Variants in PRPF18 observed in about 807,000 individuals in gnomAD.
PRPF18 encodes pre-mRNA-splicing factor 18.
In PRPF18, 38 loss-of-function variants were observed where a neutral mutation model predicts 46.5. That is an observed-to-expected ratio of 0.82 (90% CI 0.63 to 1.07). The LOEUF (loss-of-function observed/expected upper bound fraction) is 1.07, where lower values mean the gene tolerates loss of function less well. PRPF18 is among the 50% of genes least tolerant of loss of function. The probability of loss-of-function intolerance (pLI) is 0.00; values close to 1 mark genes in which losing one functional copy is unlikely to be tolerated. For missense variants in PRPF18, 263 were observed against 410.0 expected, an observed-to-expected ratio of 0.64 and a Z score of 3.10; for synonymous variants, 152 against 146.7, an observed-to-expected ratio of 1.04 and a Z score of -0.26.
At chr10:13,627,922 T>C (rs541715162) in intron 9 of PRPF18, among the ~76,000 whole-genome samples, 1 of 152,336 alleles carries the variant, frequency 6.6e-6, no homozygotes, top group East Asian at 1.9e-4. Context: ...TTGTATTTCA[T>C]CAGGGTGTTC....
At chr10:13,615,838 GCTATTCGA>G (rs1170689496) in intron 8 of PRPF18, among the ~76,000 whole-genome samples, 2 of 152,126 alleles carry the variant, frequency 1.3e-5, no homozygotes, top group Non-Finnish European at 2.9e-5. Context: ...TCATCCTTCA[GCTATTCGA>G]CTGGAGGGCC....
Position 13,608,126 on chromosome 10 carries a change from A to G in PRPF18, c.364-1913A>G, listed in dbSNP as rs540468916. 3.3e-5 allele frequency among the ~76,000 whole-genome samples: 5 copies of G among 152,382 alleles called. No individual in the cohort carries two copies. The East Asian group carries it at 7.7e-4, about 24-fold the overall frequency. ...TTACCAAATCTGTTTTTGGTGATTA[A>G]CAAGCCACCCTGAAACTTGATAGCT... is the stretch of plus-strand genomic sequence containing the variant. On this transcript the variant is annotated intron_variant, in intron 4 of 9. Transcript: ENST00000378572.
At chr10:13,603,215 A>G (rs769967265) in intron 3 of PRPF18, among the ~76,000 whole-genome samples, 65 of 151,738 alleles carry the variant, frequency 4.3e-4, no homozygotes, top group Non-Finnish European at 2.1e-4. Flanking sequence ...GCGAGCGTCT[A>G]TTGAAATAGT....
chr10:13,595,147 C>G (rs969950199), intron 1 of PRPF18, among the ~76,000 whole-genome samples: 2 of 152,128 alleles, frequency 1.3e-5, no homozygotes, highest in African/African-American at 2.4e-5. Flanking sequence ...AATCCTCCCC[C>G]CATGTTGCTT....
chr10:13,601,430 A>C (rs1233169378), intron 3 of PRPF18, among the ~76,000 whole-genome samples: 1 of 152,224 alleles, frequency 6.6e-6, no homozygotes, highest in Non-Finnish European at 1.5e-5. Context: ...AAGAAATCAA[A>C]TCAATACAAA....
chr10:13,641,606 C>G, the PRPF18 span: 4 of 152,176 alleles, frequency 2.6e-5, no homozygotes, highest in African/African-American at 9.7e-5. Context: ...GAAAAACTAC[C>G]AAGGAGATTG....
intron 5 of PRPF18, 49 bp from the exon 6 acceptor site, chr10:13,611,566 A>T: frequency 6.9e-7 from 1 of 1,447,910 alleles, no homozygotes; most frequent in Non-Finnish European, 9.7e-7. Flanking sequence ...ATATATGTTT[A>T]GTTGTTGCTC....
the PRPF18 span, chr10:13,652,220 T>C: frequency 4.9e-3 from 2,738 of 555,462 alleles, 64 homozygotes; most frequent in African/African-American, 0.045. Context: ...TATCACATCA[T>C]AGCAAACAGT....
intron 9 of PRPF18, among the ~76,000 whole-genome samples, chr10:13,627,356 T>C (rs1211120008): frequency 6.6e-6 from 1 of 152,208 alleles, no homozygotes; most frequent in East Asian, 1.9e-4. Context: ...TAGAACAGTA[T>C]GTATAGTAGG....
At chr10:13,622,295 C>T (rs1740964732) in intron 9 of PRPF18, among the ~76,000 whole-genome samples, 1 of 152,168 alleles carries the variant, frequency 6.6e-6, no homozygotes, top group African/African-American at 2.4e-5. Context: ...CTTTTAATGT[C>T]ATAGAACACT....
At chr10:13,613,281 T>A (rs2080297701) in intron 6 of PRPF18, among the ~76,000 whole-genome samples, 2 of 152,172 alleles carry the variant, frequency 1.3e-5, no homozygotes, top group Non-Finnish European at 2.9e-5. Context: ...GGGTCTTGGC[T>A]TCTTTATTTC....
chr10:13,622,383 A>T (rs749932121), intron 9 of PRPF18, among the ~76,000 whole-genome samples: 1 of 152,216 alleles, frequency 6.6e-6, no homozygotes, highest in African/African-American at 2.4e-5. Context: ...AGCTTAGTTG[A>T]TGGTAAAGGG....
intron 1 of PRPF18, among the ~76,000 whole-genome samples, chr10:13,590,452 A>ATAT (rs1554806371): frequency 2.8e-4 from 40 of 140,508 alleles, no homozygotes; most frequent in Non-Finnish European, 5.2e-4. Context: ...AAAAAAAAAA[A>ATAT]ATATATATAT....
At position 13,630,270 on chromosome 10, in the gene PRPF18, G is replaced by A; in HGVS notation, c.959G>A (p.Arg320Lys). ...TQRKYIQGLK[R>K]LMTICQKHFP... ...TCCTTATTTTCTTAGGGATTGAAGA[G>A]GTTAATGACCATTTGCCAGAAACAC... The change falls in exon 10 of 10, where the codon AGG (arginine) becomes AAG (lysine). Residue 320 changes from arginine (R) to lysine (K), a missense_variant. By Grantham distance (26) the Arg-to-Lys change is conservative. Transcript: ENST00000378572. 1.2e-6 allele frequency: 2 copies of A among 1,609,800 alleles called. No individual in the cohort carries two copies.
Position 13,610,139 on chromosome 10 carries a change from A to G in PRPF18, c.464A>G (p.Asn155Ser). The G allele has an allele frequency of 6.2e-7, 1 of 1,614,140 alleles. No individual in the cohort carries two copies. The highest frequency in any genetic ancestry group is 8.5e-7 in the Non-Finnish European group (1 of 1,179,994). ...GAGCCTGGAGAGGAAGACACACAGA[A>G]TGATCTGAAAGTTCATGAGGAAAAC... ...GQEPGEEDTQ[N>S]DLKVHEENTT... The change falls in exon 5 of 10, where the codon AAT (asparagine) becomes AGT (serine). Residue 155 changes from asparagine (N) to serine (S), a missense_variant. Transcript: ENST00000378572.
At chr10:13,652,706 T>C in the PRPF18 span, 2 of 152,344 alleles carry the variant, frequency 1.3e-5, no homozygotes, top group Admixed American at 1.3e-4. Context: ...GTTTCTCTTA[T>C]TTTAAAAGGA....
intron 1 of PRPF18, among the ~76,000 whole-genome samples, chr10:13,589,831 A>G (rs1485077583): frequency 6.6e-6 from 1 of 152,190 alleles, no homozygotes; most frequent in Non-Finnish European, 1.5e-5. Context: ...CAATTAGAAA[A>G]GTGGAGGTAA....
At chr10:13,605,984 G>A (rs1440755178) in intron 4 of PRPF18, among the ~76,000 whole-genome samples, 1 of 151,820 alleles carries the variant, frequency 6.6e-6, no homozygotes, top group African/African-American at 2.4e-5. Flanking sequence ...GAACATTTTC[G>A]TCACCAAAGA....
chr10:13,651,705 G>A, the PRPF18 span: 1 of 584,324 alleles, frequency 1.7e-6, no homozygotes, highest in African/African-American at 1.9e-5. Flanking sequence ...TCTTTTCTGG[G>A]AAGCAGTGTT....
Sources: gnomAD v4.1 joint callset for allele counts (sites outside exome capture counted in the v4.1 genomes callset) on GRCh38, gnomAD v4.1.1 for gene constraint, MANE v1.5 for transcripts, NCBI Gene and HGNC (gene_info 2026-07-23, HGNC 2026-07-21) for gene names.